RGS5: variants seen among roughly 807,000 people sequenced by gnomAD.
The protein encoded by RGS5 is regulator of G-protein signalling 5.
Under a neutral mutation model 18.9 loss-of-function variants are expected in RGS5, and 20 were observed. The observed-to-expected ratio is 1.06, with a 90% CI of 0.74 to 1.54. The LOEUF is 1.54. RGS5 is among the 40% of genes most tolerant of loss of function. RGS5 has a pLI of 0.00. For synonymous variants in RGS5, 57 were observed against 76.2 expected (o/e 0.75, Z 1.31); for missense variants, 201 against 211.8 (o/e 0.95, Z 0.32).
intron 2 of RGS5, among the ~76,000 whole-genome samples, chr1:163,277,864 T>G (rs986600086): frequency 8.5e-5 from 13 of 152,096 alleles, no homozygotes; most frequent in African/African-American, 3.1e-4. Context: ...AACTGAATAA[T>G]TCAATGAATG....
At chr1:163,248,752 T>C (rs750348385) in intron 2 of RGS5, 1 of 152,194 alleles carries the variant, frequency 6.6e-6, no homozygotes, top group Admixed American at 6.5e-5. Context: ...TGATGGCTGT[T>C]CAGTAAAACA....
At position 163,147,298 on chromosome 1, in the gene RGS5, GGAGGAAATAACTCACAGGAT is replaced by G; in HGVS notation, c.*24_*43del. 6.5e-7 allele frequency: 1 copy of G among 1,531,826 alleles called. No individual in the cohort carries two copies. The highest frequency in any genetic ancestry group is 8.8e-7 in the Non-Finnish European group (1 of 1,136,004). The allele number at this position is 1,531,826 out of a possible 1,614,324, so 94.9% of individuals were successfully genotyped here. A position where few individuals can be genotyped will look rare whatever the true frequency, so the allele number is the denominator to read the frequency against. The stretch of plus-strand genomic sequence containing the variant: ...TTAATGGGAAATGCAGGGTTATTAT[GGAGGAAATAACTCACAGGAT>G]GATTTCATAGCCTGGCTAAATTACT... On this transcript the variant is annotated 3_prime_UTR_variant, in exon 5 of 5. Coordinates refer to ENST00000313961, the MANE Select transcript of RGS5 (RefSeq NM_003617.4).
At chr1:163,228,541 A>G (rs1206321983) in intron 2 of RGS5, among the ~76,000 whole-genome samples, 2 of 152,204 alleles carry the variant, frequency 1.3e-5, no homozygotes, top group Non-Finnish European at 2.9e-5. Flanking sequence ...CTGTGATGGA[A>G]GGGGCTGCTG....
chr1:163,237,801 C>T lies in RGS5; in HGVS notation c.-281+68432G>A, dbSNP rs548795382. ...ACTGCCACTCCTACTCAGATGAAGA[C>T]GATGTCTCAGTCAACCAGGATTTGG... On this transcript the variant is annotated intron_variant, in intron 2 of 5. Coordinates refer to the RGS5 transcript ENST00000618415. 5.9e-5 allele frequency: 9 copies of T among 153,348 alleles called. No homozygotes were observed. The South Asian group carries it at 8.2e-4, about 14-fold the overall frequency. The allele number at this position is 153,348 out of a possible 1,614,324, so 9.5% of individuals were successfully genotyped here.
At chr1:163,226,090 T>C (rs918299423) in intron 2 of RGS5, among the ~76,000 whole-genome samples, 1 of 152,102 alleles carries the variant, frequency 6.6e-6, no homozygotes, top group Non-Finnish European at 1.5e-5. Context: ...CCAGCTAATT[T>C]TGTGTTTTTA....
intron 3 of RGS5, among the ~76,000 whole-genome samples, chr1:163,158,670 T>C (rs994393210): frequency 6.6e-5 from 10 of 151,972 alleles, no homozygotes; most frequent in African/African-American, 2.2e-4. Flanking sequence ...CACAAAGCAA[T>C]AAAATATCAC....
chr1:163,241,900 G>A (rs1442867725), intron 2 of RGS5, among the ~76,000 whole-genome samples: 1 of 152,162 alleles, frequency 6.6e-6, no homozygotes, highest in Admixed American at 6.5e-5. Context: ...TCTTTGTTAG[G>A]AAAATGAATG....
At chr1:163,261,317 C>T (rs547048301) in intron 2 of RGS5, among the ~76,000 whole-genome samples, 2 of 152,118 alleles carry the variant, frequency 1.3e-5, no homozygotes, top group Admixed American at 1.3e-4. Flanking sequence ...GTTTTCTCTA[C>T]CCCTTCCTGC....
intron 1 of RGS5, among the ~76,000 whole-genome samples, chr1:163,198,927 C>T (rs1396986075): frequency 2.0e-5 from 3 of 152,150 alleles, no homozygotes; most frequent in Non-Finnish European, 4.4e-5. Context: ...ACCTTGGCCT[C>T]CCAAAGTGCT....
At chr1:163,316,148 T>C (rs1262724626) in intron 1 of RGS5, among the ~76,000 whole-genome samples, 1 of 152,230 alleles carries the variant, frequency 6.6e-6, no homozygotes, top group Non-Finnish European at 1.5e-5. Flanking sequence ...TACCCATTTA[T>C]AACTACAGTT....
intron 1 of RGS5, among the ~76,000 whole-genome samples, chr1:163,174,011 G>T (rs552745373): frequency 6.6e-6 from 1 of 152,278 alleles, no homozygotes; most frequent in South Asian, 2.1e-4. Context: ...AGGAGGTGGA[G>T]GTTGCAGTAA....
intron 2 of RGS5, among the ~76,000 whole-genome samples, chr1:163,251,988 A>T (rs1424170180): frequency 2.0e-5 from 3 of 152,044 alleles, no homozygotes; most frequent in Non-Finnish European, 4.4e-5. Flanking sequence ...ATTTTTGTGG[A>T]TGTATGTTTT....
chr1:163,157,588 A>T (rs769084197), intron 3 of RGS5, among the ~76,000 whole-genome samples: 7 of 152,300 alleles, frequency 4.6e-5, no homozygotes, highest in Middle Eastern at 3.4e-3. Context: ...GAACTATTTA[A>T]CACATCAACT....
intron 2 of RGS5, among the ~76,000 whole-genome samples, chr1:163,247,641 A>G (rs1273615653): frequency 6.6e-6 from 1 of 151,396 alleles, no homozygotes; most frequent in Non-Finnish European, 1.5e-5. Flanking sequence ...TAGGTTTTAT[A>G]TATAACCTTT....
chr1:163,200,855 T>G (rs2101660051), intron 1 of RGS5, among the ~76,000 whole-genome samples: 1 of 152,300 alleles, frequency 6.6e-6, no homozygotes, highest in Middle Eastern at 3.4e-3. Flanking sequence ...AAGAATTTAC[T>G]GTGCATCAAA....
chr1:163,168,439 C>T (rs1658156159), intron 1 of RGS5, 71 bp from the exon 2 acceptor site: 4 of 1,156,520 alleles, frequency 3.5e-6, no homozygotes, highest in East Asian at 4.8e-5. Context: ...AGATTTCTTC[C>T]TGTGTCAGAG....
At chr1:163,309,327 G>A (rs1222803593) in intron 1 of RGS5, among the ~76,000 whole-genome samples, 1 of 152,202 alleles carries the variant, frequency 6.6e-6, no homozygotes, top group Non-Finnish European at 1.5e-5. Context: ...TGTAGAATGT[G>A]ATGGTGTTTG....
At chr1:163,158,663 A>T (rs1033509850) in intron 3 of RGS5, among the ~76,000 whole-genome samples, 4 of 152,202 alleles carry the variant, frequency 2.6e-5, no homozygotes, top group African/African-American at 9.6e-5. Context: ...CATGCTTCAC[A>T]AAGCAATAAA....
At chr1:163,243,515 C>G (rs1056392114) in intron 2 of RGS5, among the ~76,000 whole-genome samples, 1 of 151,462 alleles carries the variant, frequency 6.6e-6, no homozygotes, top group Non-Finnish European at 1.5e-5. Flanking sequence ...GGCTTGGTGG[C>G]GGGCGCCTGT....
Sources: allele counts gnomAD v4.1 joint callset (sites outside exome capture counted in the v4.1 genomes callset), GRCh38; gene constraint gnomAD v4.1.1; transcripts MANE v1.5; gene names NCBI Gene and HGNC (gene_info 2026-07-23, HGNC 2026-07-21).